The following ZNF385D variants were observed in gnomAD, a reference collection of about 807,000 sequenced individuals.
ZNF385D encodes the protein zinc finger protein 385D.
A neutral mutation model predicts 35.8 loss-of-function variants in ZNF385D; 15 were observed. The observed-to-expected ratio is 0.42, with a 90% confidence interval of 0.28 to 0.64. The LOEUF is 0.64. Ranked by LOEUF, ZNF385D falls within the 30% of genes least tolerant of loss-of-function variation. The pLI is 0.23. For missense variants in ZNF385D, 474 were observed against 494.6 expected (o/e 0.96, Z 0.39); for synonymous variants, 212 against 186.8 (o/e 1.13, Z -1.10).
chr3:22,303,241 T>C (rs888949720), intron 2 of ZNF385D, among the ~76,000 whole-genome samples: 1 of 152,164 alleles, frequency 6.6e-6, no homozygotes, highest in Non-Finnish European at 1.5e-5. Context: ...GTGGCTTATA[T>C]GGTACTGTCT....
At chr3:22,161,142 T>C (rs1170344486) in intron 3 of ZNF385D, among the ~76,000 whole-genome samples, 1 of 151,980 alleles carries the variant, frequency 6.6e-6, no homozygotes, top group Non-Finnish European at 1.5e-5. Flanking sequence ...CAAATATGAG[T>C]AAAATCTTAA....
At chr3:22,040,585 A>C (rs1282467358) in intron 3 of ZNF385D, among the ~76,000 whole-genome samples, 1 of 152,212 alleles carries the variant, frequency 6.6e-6, no homozygotes, top group Non-Finnish European at 1.5e-5. Flanking sequence ...TTTTCTGAAC[A>C]GGTTATTAAA....
chr3:22,147,187 T>A (rs1197767281), intron 3 of ZNF385D, among the ~76,000 whole-genome samples: 3 of 152,200 alleles, frequency 2.0e-5, no homozygotes, highest in African/African-American at 7.2e-5. Context: ...TTGAAAGAAC[T>A]TTTAAAATAA....
At chr3:22,094,851 G>C (rs555997774) in intron 3 of ZNF385D, among the ~76,000 whole-genome samples, 4 of 151,972 alleles carry the variant, frequency 2.6e-5, no homozygotes, top group Non-Finnish European at 5.9e-5. Context: ...TTTTCTTGAA[G>C]GCACAGCCTC....
Position 22,026,001 on chromosome 3 carries a change from A to T in ZNF385D, c.325+142816T>A, listed in dbSNP as rs151316723. 9.8e-3 allele frequency among the ~76,000 whole-genome samples: 1,495 copies of T among 152,290 alleles called. 20 individuals are homozygous for T. The highest frequency in any genetic ancestry group is 0.034 in the African/African-American group (1,430 of 41,552). ...CAAAGGCAAGGTGGGCATAGCTACCATAATGGACAGCAGAGGCAAAGCAGC... is the reference window on the plus strand; with the variant it reads ...CAAAGGCAAGGTGGGCATAGCTACCTTAATGGACAGCAGAGGCAAAGCAGC... On this transcript the variant is annotated intron_variant, in intron 3 of 5. Coordinates refer to the ZNF385D transcript ENST00000494108.
chr3:21,928,906 G>A (rs1700874092), intron 3 of ZNF385D, among the ~76,000 whole-genome samples: 1 of 152,052 alleles, frequency 6.6e-6, no homozygotes, highest in Non-Finnish European at 1.5e-5. Flanking sequence ...AATTTAAAAG[G>A]AAATAATACC....
chr3:22,212,384 G>T (rs1697581763), intron 2 of ZNF385D, among the ~76,000 whole-genome samples: 2 of 151,954 alleles, frequency 1.3e-5, no homozygotes, highest in South Asian at 4.1e-4. Context: ...TTCTGCAATG[G>T]TTTCAAATTG....
At chr3:21,980,884 A>G (rs1163681517) in intron 3 of ZNF385D, among the ~76,000 whole-genome samples, 1 of 152,184 alleles carries the variant, frequency 6.6e-6, no homozygotes, top group Non-Finnish European at 1.5e-5. Flanking sequence ...TATTCCTGCA[A>G]AAGAGATGAT....
intron 3 of ZNF385D, among the ~76,000 whole-genome samples, chr3:21,801,078 G>A (rs970490776): frequency 2.0e-5 from 3 of 151,976 alleles, no homozygotes; most frequent in Non-Finnish European, 4.4e-5. Context: ...CAATTTAGAT[G>A]GCCATGTATT....
chr3:21,783,802 T>A (rs949393046), intron 3 of ZNF385D, among the ~76,000 whole-genome samples: 1 of 152,146 alleles, frequency 6.6e-6, no homozygotes, highest in African/African-American at 2.4e-5. Flanking sequence ...TTTTTTCCCT[T>A]TACAAATGTG....
At chr3:22,087,047 C>G (rs118032637) in intron 3 of ZNF385D, among the ~76,000 whole-genome samples, 2 of 151,878 alleles carry the variant, frequency 1.3e-5, no homozygotes, top group Non-Finnish European at 2.9e-5. Flanking sequence ...CAAACCTGCA[C>G]GCACATGTAC....
intron 4 of ZNF385D, among the ~76,000 whole-genome samples, chr3:21,493,589 T>G (rs1705591571): frequency 6.6e-6 from 1 of 152,078 alleles, no homozygotes; most frequent in Non-Finnish European, 1.5e-5. Context: ...GGGAGAAGCA[T>G]GCATTTATGG....
At chr3:21,814,166 A>T (rs929270600) in intron 3 of ZNF385D, among the ~76,000 whole-genome samples, 1 of 152,216 alleles carries the variant, frequency 6.6e-6, no homozygotes, top group Admixed American at 6.5e-5. Flanking sequence ...TTTTGTCACC[A>T]ACAGGCCTGT....
chr3:21,448,157 T>A (rs1290925607), intron 4 of ZNF385D, among the ~76,000 whole-genome samples: 1 of 152,138 alleles, frequency 6.6e-6, no homozygotes, highest in Admixed American at 6.5e-5. Flanking sequence ...GATTAAAGGA[T>A]TTTTCATATT....
chr3:22,319,802 A>G lies in ZNF385D; in HGVS notation c.106+52648T>C, dbSNP rs144735924. 4.0e-3 allele frequency among the ~76,000 whole-genome samples: 613 copies of G among 152,268 alleles called. 4 individuals are homozygous for G. Among genetic ancestry groups the G allele is most frequent in the Non-Finnish European group, 6.9e-3 (469 of 67,992 alleles). ...GCTGATATTGCACACAACTTTCCTT[A>G]ATTTGGGCTGAAAGGGGTTGACTTT... On this transcript the variant is annotated intron_variant, in intron 2 of 5. Transcript: ENST00000494108.
chr3:22,175,147 C>A (rs1576446916), intron 2 of ZNF385D, among the ~76,000 whole-genome samples: 2 of 151,532 alleles, frequency 1.3e-5, no homozygotes, highest in East Asian at 1.9e-4. Context: ...GTTTATAATT[C>A]TTATACAATT....
chr3:22,240,271 T>G (rs1002324724), intron 2 of ZNF385D, among the ~76,000 whole-genome samples: 1 of 150,586 alleles, frequency 6.6e-6, no homozygotes, highest in African/African-American at 2.5e-5. Flanking sequence ...CAATGCAGTT[T>G]CTACCTGCTG....
At chr3:22,360,663 G>C (rs1381438921) in intron 2 of ZNF385D, among the ~76,000 whole-genome samples, 2 of 151,912 alleles carry the variant, frequency 1.3e-5, no homozygotes, top group Non-Finnish European at 2.9e-5. Context: ...CGAATACCAA[G>C]TCCTCATATG....
intron 1 of ZNF385D, among the ~76,000 whole-genome samples, chr3:21,685,970 G>A (rs1057405642): frequency 1.3e-5 from 2 of 152,124 alleles, no homozygotes; most frequent in Non-Finnish European, 2.9e-5. Context: ...GAGAACAATG[G>A]TGAAAACTGA....
Sources: allele counts gnomAD v4.1 joint callset (sites outside exome capture counted in the v4.1 genomes callset), GRCh38; gene constraint gnomAD v4.1.1; transcripts MANE v1.5; gene names NCBI Gene and HGNC (gene_info 2026-07-23, HGNC 2026-07-21).